Variants in RPS6KC1 observed in about 807,000 individuals in gnomAD.
RPS6KC1 encodes the protein ribosomal protein S6 kinase C1.
In RPS6KC1, 54 loss-of-function variants were observed where a neutral mutation model predicts 103.8. That is an observed-to-expected ratio of 0.52 (90% CI 0.42 to 0.65). The LOEUF is 0.65. Ranked by LOEUF, RPS6KC1 falls within the 30% of genes least tolerant of loss-of-function variation. The pLI is 0.00. For synonymous variants in RPS6KC1, 439 were observed against 438.7 expected (o/e 1.00, Z -0.01); for missense variants, 1,151 against 1,253.8 (o/e 0.92, Z 1.24).
At chr1:213,693,997 T>G in the RPS6KC1 span, among the ~76,000 whole-genome samples, 1 of 152,218 alleles carries the variant, frequency 6.6e-6, no homozygotes, top group Admixed American at 6.5e-5. Context: ...TGAGGCAATT[T>G]GAAACAATAG....
the RPS6KC1 span, among the ~76,000 whole-genome samples, chr1:213,677,146 A>G: frequency 6.6e-6 from 1 of 152,218 alleles, no homozygotes; most frequent in East Asian, 1.9e-4. Context: ...ATTAGCATCT[A>G]GTTCATGTTC....
At chr1:213,711,296 G>A in the RPS6KC1 span, among the ~76,000 whole-genome samples, 40 of 151,922 alleles carry the variant, frequency 2.6e-4, no homozygotes, top group African/African-American at 7.0e-4. Flanking sequence ...CCACTTGATC[G>A]ATTCAGCTAT....
At chr1:213,839,497 G>T in the RPS6KC1 span, among the ~76,000 whole-genome samples, 2 of 152,106 alleles carry the variant, frequency 1.3e-5, no homozygotes, top group African/African-American at 2.4e-5. Flanking sequence ...ATTCAAACTC[G>T]CATTTTAAGT....
At chr1:213,269,681 ACTTC>A (rs910038408) in intron 14 of RPS6KC1, among the ~76,000 whole-genome samples, 3 of 152,118 alleles carry the variant, frequency 2.0e-5, no homozygotes, top group African/African-American at 7.2e-5. Context: ...AAAACAGTAT[ACTTC>A]TAAGTTTAAA....
At chr1:213,058,346 C>A (rs1572240602) in intron 1 of RPS6KC1, among the ~76,000 whole-genome samples, 1 of 151,860 alleles carries the variant, frequency 6.6e-6, no homozygotes, top group East Asian at 1.9e-4. Context: ...TCTGCCTAAC[C>A]TCAGGTTACA....
chr1:213,450,299 T>C, the RPS6KC1 span, among the ~76,000 whole-genome samples: 1 of 152,180 alleles, frequency 6.6e-6, no homozygotes, highest in Admixed American at 6.5e-5. Flanking sequence ...GCCAGCAGGT[T>C]TCATCAAAGA....
the RPS6KC1 span, among the ~76,000 whole-genome samples, chr1:213,796,728 C>T: frequency 3.3e-5 from 5 of 152,192 alleles, no homozygotes; most frequent in African/African-American, 1.2e-4. Flanking sequence ...CCTACTCGAT[C>T]TGCCAACACG....
chr1:213,778,825 T>C, the RPS6KC1 span, among the ~76,000 whole-genome samples: 91 of 152,038 alleles, frequency 6.0e-4, no homozygotes, highest in African/African-American at 2.2e-3. Flanking sequence ...ATGCTCAGGA[T>C]TAGATTTGGT....
intron 6 of RPS6KC1, among the ~76,000 whole-genome samples, chr1:213,157,745 C>G (rs561537681): frequency 6.6e-6 from 1 of 152,208 alleles, no homozygotes; most frequent in Non-Finnish European, 1.5e-5. Flanking sequence ...TACTGATTTT[C>G]TGTCTCTTTG....
the RPS6KC1 span, among the ~76,000 whole-genome samples, chr1:213,796,267 G>A: frequency 6.6e-6 from 1 of 152,104 alleles, no homozygotes; most frequent in Non-Finnish European, 1.5e-5. Flanking sequence ...TGACATTACG[G>A]TGACTCGCTA....
the RPS6KC1 span, among the ~76,000 whole-genome samples, chr1:213,666,854 C>A: frequency 0.04 from 6,052 of 152,354 alleles, 272 homozygotes; most frequent in African/African-American, 0.11. Context: ...GCCTACCAAG[C>A]TCTCCAAAGG....
chr1:213,073,883 C>T (rs1262816786), intron 2 of RPS6KC1, among the ~76,000 whole-genome samples: 1 of 152,042 alleles, frequency 6.6e-6, no homozygotes, highest in Non-Finnish European at 1.5e-5. Flanking sequence ...ACCATGTTGG[C>T]CAGGCAGGTC....
chr1:213,376,239 C>T, the RPS6KC1 span, among the ~76,000 whole-genome samples: 1 of 152,040 alleles, frequency 6.6e-6, no homozygotes, highest in African/African-American at 2.4e-5. Flanking sequence ...TGAGATTAAA[C>T]TGTATGTAAA....
At chr1:213,309,019 C>A in the RPS6KC1 span, among the ~76,000 whole-genome samples, 1 of 152,060 alleles carries the variant, frequency 6.6e-6, no homozygotes, top group Admixed American at 6.6e-5. Context: ...AGGCCGGGCA[C>A]GGTGGCTCAC....
chr1:213,353,230 T>C, the RPS6KC1 span, among the ~76,000 whole-genome samples: 1,082 of 152,384 alleles, frequency 7.1e-3, 17 homozygotes, highest in African/African-American at 0.025. Flanking sequence ...ATTGAATATC[T>C]ACTGAGTAAA....
intron 6 of RPS6KC1, among the ~76,000 whole-genome samples, chr1:213,151,115 G>C (rs1253481482): frequency 6.8e-6 from 1 of 146,564 alleles, no homozygotes; most frequent in Non-Finnish European, 1.5e-5. Flanking sequence ...CTGGCTGGGC[G>C]GGGGGCTGAC....
At chr1:213,083,689 G>A (rs1328507914) in intron 3 of RPS6KC1, among the ~76,000 whole-genome samples, 6 of 152,162 alleles carry the variant, frequency 3.9e-5, no homozygotes, top group Admixed American at 2.6e-4. Flanking sequence ...TGGGAGGGGT[G>A]TGAATCTTTG....
At chr1:213,365,405 A>G in the RPS6KC1 span, among the ~76,000 whole-genome samples, 6,147 of 152,276 alleles carry the variant, frequency 0.04, 187 homozygotes, top group Non-Finnish European at 0.068. Context: ...TTAGGTCCTA[A>G]TATTGATTCG....
At chr1:213,622,235 C>CTTT in the RPS6KC1 span, among the ~76,000 whole-genome samples, 15,960 of 144,822 alleles carry the variant, frequency 0.11, 1,908 homozygotes, top group East Asian at 0.32. Flanking sequence ...CAAGTAATGT[C>CTTT]TTTTTTTTTT....
Sources: gnomAD v4.1 joint callset for allele counts (sites outside exome capture counted in the v4.1 genomes callset) on GRCh38, gnomAD v4.1.1 for gene constraint, MANE v1.5 for transcripts, NCBI Gene and HGNC (gene_info 2026-07-23, HGNC 2026-07-21) for gene names.